HINT1: variants seen among roughly 807,000 people sequenced by gnomAD.
HINT1 encodes histidine triad nucleotide binding protein 1, also known as adenosine 5'-monophosphoramidase HINT1.
A neutral mutation model predicts 11.2 loss-of-function variants in HINT1; 12 were observed. The observed-to-expected ratio is 1.07, with a 90% CI of 0.69 to 1.74. The LOEUF is 1.74. Among genes scored for constraint, HINT1 ranks in the 40% most tolerant of loss-of-function variants. HINT1 has a pLI of 0.00. For missense variants in HINT1, 150 were observed against 161.8 expected (o/e 0.93, Z 0.40); for synonymous variants, 42 against 52.6 (o/e 0.80, Z 0.87).
At position 131,159,389 on chromosome 5, in the gene HINT1, T is replaced by G; in HGVS notation, c.*58A>C. 6.6e-7 allele frequency: 1 copy of G among 1,512,368 alleles called. No individual in the cohort carries two copies. The highest frequency in any genetic ancestry group is 1.2e-5 in the South Asian group (1 of 86,694). 93.7% of individuals were successfully genotyped at this position (1,512,368 alleles called of 1,614,324 possible). On this transcript the variant is annotated 3_prime_UTR_variant, in exon 3 of 3. Coordinates refer to ENST00000304043, the MANE Select transcript of HINT1 (RefSeq NM_005340.7). ...AAAATAAGTGTGTTACTTAACATAC[T>G]GGAAATTGCCTAACTTAATCATTGC...
At chr5:131,162,395 G>A (rs982823089) in intron 2 of HINT1, 177 bp downstream of exon 2, 1 of 1,248,702 alleles carries the variant, frequency 8.0e-7, no homozygotes. Context: ...TTGCTGGTGG[G>A]ATACAAAATG....
intron 2 of HINT1, chr5:131,162,354 A>G (rs1221267510): frequency 1.1e-6 from 1 of 887,406 alleles, no homozygotes; most frequent in Admixed American, 2.2e-5. Context: ...AAGTGTTGAT[A>G]AGGATACGGA....
intron 1 of HINT1, 61 bp downstream of exon 1, chr5:131,165,034 C>T (rs1755361024): frequency 6.2e-7 from 1 of 1,608,038 alleles, no homozygotes. Flanking sequence ...CCGCGAGAAA[C>T]CCGAGGATCC....
chr5:131,159,937 G>T (rs1005612559), intron 2 of HINT1, among the ~76,000 whole-genome samples: 1 of 151,718 alleles, frequency 6.6e-6, no homozygotes, highest in African/African-American at 2.4e-5. Flanking sequence ...CTGCAGCCTC[G>T]ACCTCCCAGG....
At chr5:131,164,462 A>T (rs1306476742) in intron 1 of HINT1, among the ~76,000 whole-genome samples, 1 of 152,198 alleles carries the variant, frequency 6.6e-6, no homozygotes, top group African/African-American at 2.4e-5. Context: ...TTATCTCAGG[A>T]GATCGCCTCG....
At position 131,165,169 on chromosome 5, in the gene HINT1, G is replaced by C. The variant is rs970665087; in HGVS notation, c.37C>G (p.Pro13Ala). The C allele has an allele frequency of 3.1e-6, 5 of 1,610,858 alleles. No homozygotes were observed. The African/African-American group carries it at 4.0e-5, about 13-fold the overall frequency. Residue 13 changes from proline (P) to alanine (A), a missense_variant, in exon 1 of 3, where the codon CCT becomes GCT. By Grantham distance (27) the Pro-to-Ala change is conservative. Transcript: ENST00000304043. ...DEIAKAQVAR[P>A]GGDTIFGKII... is the part of the protein sequence containing the mutation. ...TTCCCAAAGATCGTGTCGCCACCAG[G>C]CCGAGCGACCTGAGCCTTGGCAATC...
At chr5:131,160,758 ATT>A in intron 2 of HINT1, 3 of 747,834 alleles carry the variant, frequency 4.0e-6, no homozygotes, top group Non-Finnish European at 6.0e-6. Context: ...GGCGATATGC[ATT>A]CAGGAGAAAC....
chr5:131,165,006 G>C (rs1755359455), intron 1 of HINT1, 89 bp downstream of exon 1: 1 of 1,572,256 alleles, frequency 6.4e-7, no homozygotes. Flanking sequence ...CGCTACACTC[G>C]CGACCCCTCC....
chr5:131,163,551 T>G (rs1200113480), intron 1 of HINT1, among the ~76,000 whole-genome samples: 3 of 150,330 alleles, frequency 2.0e-5, no homozygotes, highest in Non-Finnish European at 4.4e-5. Flanking sequence ...GTCCCATTAC[T>G]CCCAGGTCAG....
Position 131,159,348 on chromosome 5 carries a change from T to C in HINT1, c.*99A>G. The C allele has an allele frequency of 4.1e-6, 4 of 965,058 alleles. No homozygotes were observed. The highest frequency in any genetic ancestry group is 6.1e-6 in the Non-Finnish European group (4 of 652,992). The allele number at this position is 965,058 out of a possible 1,614,324, so 59.8% of individuals were successfully genotyped here. A position where few individuals can be genotyped will look rare whatever the true frequency, so the allele number is the denominator to read the frequency against. On this transcript the variant is annotated 3_prime_UTR_variant, in exon 3 of 3. Coordinates refer to ENST00000304043, the MANE Select transcript of HINT1 (RefSeq NM_005340.7). ...CGGTTTTAAAATTATTTCTTGAATC[T>C]CTCCATACACAGGCAAAAATAAGTG...
intron 2 of HINT1, 78 bp downstream of exon 2, chr5:131,162,494 T>C: frequency 7.5e-6 from 12 of 1,592,822 alleles, no homozygotes; most frequent in African/African-American, 2.7e-5. Context: ...AAGATGAAAA[T>C]GTGACAGCAC....
chr5:131,160,734 C>T, intron 2 of HINT1: 1 of 1,125,194 alleles, frequency 8.9e-7, no homozygotes, highest in Non-Finnish European at 1.2e-6. Context: ...GATTTTTCAA[C>T]TTTACAATGG....
intron 2 of HINT1, chr5:131,162,368 G>GC (rs1256599974): frequency 1.0e-6 from 1 of 975,496 alleles, no homozygotes; most frequent in Non-Finnish European, 1.6e-6. Flanking sequence ...ATACGGAGAA[G>GC]CTGGAACGCT....
rs755234100 is a variant in HINT1, at chr5:131,165,224, C to G, written c.-19G>C. The G allele has an allele frequency of 1.9e-6, 3 of 1,601,420 alleles. No homozygotes were observed. The highest frequency in any genetic ancestry group is 4.5e-5 in the East Asian group (2 of 44,840). ...CTGCCATCTCGGCCTCTCTCCCGCG[C>G]GGCGGCCAGAGGAGAGGCTCGGAAG... On this transcript the variant is annotated 5_prime_UTR_variant, in exon 1 of 3. Transcript: ENST00000304043.
intron 1 of HINT1, among the ~76,000 whole-genome samples, chr5:131,164,438 C>T (rs182014031): frequency 2.6e-5 from 4 of 152,342 alleles, no homozygotes; most frequent in Admixed American, 2.6e-4. Flanking sequence ...AAATCCCAGA[C>T]GCGGGCCCAC....
chr5:131,163,275 T>C (rs895366752), intron 1 of HINT1, among the ~76,000 whole-genome samples: 12 of 152,226 alleles, frequency 7.9e-5, no homozygotes, highest in Non-Finnish European at 1.5e-4. Context: ...TCTGAGGCAG[T>C]GACATTTAAA....
At position 131,159,420 on chromosome 5, in the gene HINT1, G is replaced by A; in HGVS notation, c.*27C>T. On this transcript the variant is annotated 3_prime_UTR_variant, in exon 3 of 3. Coordinates refer to ENST00000304043, the MANE Select transcript of HINT1 (RefSeq NM_005340.7). The stretch of plus-strand genomic sequence containing the variant: ...TTGCCTAACTTAATCATTGCCTAAA[G>A]AAGAGAAAATTATCCCCAAAACGTG... 2 of 1,604,852 alleles carry A rather than the reference G, an allele frequency of 1.2e-6. No homozygotes were observed. Among genetic ancestry groups the A allele is most frequent in the Non-Finnish European group, 1.7e-6 (2 of 1,175,824 alleles).
In HINT1 at chr5:131,159,340, C is replaced by A. The variant is rs1755190494; in HGVS notation, c.*107G>T. On this transcript the variant is annotated 3_prime_UTR_variant, in exon 3 of 3. Transcript: ENST00000304043. ...TATGTATGCGGTTTTAAAATTATTT[C>A]TTGAATCTCTCCATACACAGGCAAA... is the stretch of plus-strand genomic sequence containing the variant. 1.1e-6 allele frequency: 1 copy of A among 876,686 alleles called. No individual in the cohort carries two copies. Among genetic ancestry groups the A allele is most frequent in the Admixed American group, 2.8e-5 (1 of 35,400 alleles). The allele number at this position is 876,686 out of a possible 1,614,324, so 54.3% of individuals were successfully genotyped here.
Position 131,162,336 on chromosome 5 carries a change from G to T in HINT1, c.216+236C>A, listed in dbSNP as rs1007649825. 1.2e-5 allele frequency: 9 copies of T among 765,792 alleles called. No homozygotes were observed. In the East Asian group the frequency reaches 1.9e-4, roughly 16 times the overall value. The allele number at this position is 765,792 out of a possible 1,614,324, so 47.4% of individuals were successfully genotyped here. A position where few individuals can be genotyped will look rare whatever the true frequency, so the allele number is the denominator to read the frequency against. On this transcript the variant is annotated intron_variant, in intron 2 of 2. Transcript: ENST00000304043. Reference sequence around the variant, plus strand: ...TCTGTCTCAAAAAAAAAAAAAAAAGGTAATAGCAAGTGTTGATAAGGATAC... The same window carrying T: ...TCTGTCTCAAAAAAAAAAAAAAAAGTTAATAGCAAGTGTTGATAAGGATAC...
Sources: gnomAD v4.1 joint callset for allele counts (sites outside exome capture counted in the v4.1 genomes callset) on GRCh38, gnomAD v4.1.1 for gene constraint, MANE v1.5 for transcripts, NCBI Gene and HGNC (gene_info 2026-07-23, HGNC 2026-07-21) for gene names.